CACNA2D1: variants seen among roughly 807,000 people sequenced by gnomAD.
CACNA2D1 encodes the protein voltage-dependent calcium channel subunit alpha-2/delta-1.
CACNA2D1 carries 53 observed loss-of-function variants against 171.5 expected under a neutral mutation model. That is an observed-to-expected ratio of 0.31 (90% CI 0.25 to 0.39). The LOEUF (loss-of-function observed/expected upper bound fraction) is 0.39. Ranked by LOEUF, CACNA2D1 falls within the 10% of genes least tolerant of loss-of-function variation. The pLI, the probability that CACNA2D1 is intolerant of heterozygous loss-of-function variation, is 1.00. For synonymous variants in CACNA2D1, 442 were observed against 443.1 expected (o/e 1.00, Z 0.03); for missense variants, 903 against 1,299.8 (o/e 0.69, Z 4.69).
At chr7:82,150,284 A>AAAAAAAAAAAAAAC (rs1554432527) in intron 4 of CACNA2D1, among the ~76,000 whole-genome samples, 1 of 137,488 alleles carries the variant, frequency 7.3e-6, no homozygotes, top group African/African-American at 2.7e-5. Context: ...AACAACAACA[A>AAAAAAAAAAAAAAC]AAAAAAACAC....
At chr7:82,378,506 T>C (rs1418301423) in intron 1 of CACNA2D1, among the ~76,000 whole-genome samples, 1 of 152,212 alleles carries the variant, frequency 6.6e-6, no homozygotes, top group Non-Finnish European at 1.5e-5. Context: ...CTCAGTTTCT[T>C]AAAAATTATA....
chr7:82,058,921 TCCTATA>T (rs1219652322), intron 10 of CACNA2D1, among the ~76,000 whole-genome samples: 19 of 152,264 alleles, frequency 1.2e-4, no homozygotes, highest in African/African-American at 4.6e-4. Flanking sequence ...TATCGTGTTT[TCCTATA>T]CCTACTCTTA....
intron 23 of CACNA2D1, chr7:81,982,849 G>T: frequency 1.7e-6 from 1 of 601,920 alleles, no homozygotes; most frequent in South Asian, 1.9e-5. Context: ...GATCCCCACA[G>T]TTATTTCAAA....
At chr7:81,974,964 A>G (rs929556485) in intron 24 of CACNA2D1, among the ~76,000 whole-genome samples, 2 of 152,028 alleles carry the variant, frequency 1.3e-5, no homozygotes, top group Non-Finnish European at 2.9e-5. Context: ...GCAAACCAAC[A>G]TGGCACGTGT....
chr7:82,290,801 G>T (rs1208313262), intron 3 of CACNA2D1, among the ~76,000 whole-genome samples: 1 of 151,496 alleles, frequency 6.6e-6, no homozygotes, highest in African/African-American at 2.4e-5. Context: ...TCTCCATGTT[G>T]GTCAGGCTGG....
intron 3 of CACNA2D1, among the ~76,000 whole-genome samples, chr7:82,302,037 G>A (rs1315227424): frequency 3.3e-5 from 5 of 151,990 alleles, no homozygotes; most frequent in Admixed American, 1.3e-4. Flanking sequence ...TGGAATTATA[G>A]GCATGAGCCA....
At chr7:82,443,817 C>T, upstream of CACNA2D1, 1 of 789,812 alleles carries the variant, frequency 1.3e-6, no homozygotes, top group South Asian at 6.6e-5. Flanking sequence ...CCCCCGATTG[C>T]CGAGGCGAAG....
At chr7:81,978,303 G>A (rs962882808) in intron 24 of CACNA2D1, among the ~76,000 whole-genome samples, 8 of 152,020 alleles carry the variant, frequency 5.3e-5, no homozygotes, top group African/African-American at 9.7e-5. Flanking sequence ...ATTGCAGCAC[G>A]GTTCAGAACA....
chr7:82,139,465 T>C (rs1792093771), intron 4 of CACNA2D1, among the ~76,000 whole-genome samples: 1 of 152,186 alleles, frequency 6.6e-6, no homozygotes, highest in Non-Finnish European at 1.5e-5. Flanking sequence ...TTCCCTTTTT[T>C]GTGTACTACA....
At chr7:82,140,642 T>A (rs2129086536) in intron 4 of CACNA2D1, among the ~76,000 whole-genome samples, 1 of 152,144 alleles carries the variant, frequency 6.6e-6, no homozygotes, top group East Asian at 1.9e-4. Flanking sequence ...CAAGTCTCAG[T>A]TCATATTTTC....
Position 82,060,169 on chromosome 7 carries a change from T to C in CACNA2D1, c.879+259A>G, listed in dbSNP as rs1236625961. On this transcript the variant is annotated intron_variant, in intron 10 of 38. Transcript: ENST00000356860. ...ATATATGTATTATATATATATAATA[T>C]ATATATATAATATATATATATTATA... is the stretch of plus-strand genomic sequence containing the variant. Among the ~76,000 whole-genome samples, 6 of 23,972 alleles carry C rather than the reference T, an allele frequency of 2.5e-4. 1 individual carries two copies. Among genetic ancestry groups the C allele is most frequent in the South Asian group, 2.9e-3 (2 of 682 alleles). The allele number at this position is 23,972 out of a possible 152,430, so 15.7% of individuals were successfully genotyped here.
At chr7:82,072,529 C>T (rs1808449159) in intron 7 of CACNA2D1, among the ~76,000 whole-genome samples, 2 of 151,460 alleles carry the variant, frequency 1.3e-5, no homozygotes, top group African/African-American at 4.9e-5. Context: ...AAATAACAAT[C>T]ATTCCCAGAT....
chr7:82,398,699 T>A (rs1027023105), intron 1 of CACNA2D1, among the ~76,000 whole-genome samples: 1 of 151,636 alleles, frequency 6.6e-6, no homozygotes, highest in Admixed American at 6.6e-5. Context: ...CACTTCAGCC[T>A]CCCGAGTAGC....
chr7:82,106,750 G>T (rs1380169427), intron 6 of CACNA2D1, among the ~76,000 whole-genome samples: 2 of 151,972 alleles, frequency 1.3e-5, no homozygotes, highest in African/African-American at 4.8e-5. Flanking sequence ...CTTAAGAAAA[G>T]GCACTGAGAA....
chr7:82,342,087 T>C (rs1818733978), intron 2 of CACNA2D1, among the ~76,000 whole-genome samples: 1 of 151,040 alleles, frequency 6.6e-6, no homozygotes, highest in Non-Finnish European at 1.5e-5. Flanking sequence ...AAAATCACAT[T>C]TGATTCTCTG....
At position 82,256,174 on chromosome 7, in the gene CACNA2D1, G is replaced by A. The variant is rs191498865; in HGVS notation, c.294+78961C>T. Among the ~76,000 whole-genome samples, 114 of 152,192 alleles carry A rather than the reference G, an allele frequency of 7.5e-4. 2 individuals carry two copies. In the South Asian group the frequency reaches 0.013, roughly 18 times the overall value. ...TGCCTATATAATAGCCGGGCATGGC[G>A]GTGGGGCGTGGCGGGAGGCTGAGGT... On this transcript the variant is annotated intron_variant, in intron 3 of 38. Transcript: ENST00000356860.
At chr7:82,041,114 A>G (rs1260737972) in intron 10 of CACNA2D1, among the ~76,000 whole-genome samples, 1 of 152,128 alleles carries the variant, frequency 6.6e-6, no homozygotes, top group Admixed American at 6.5e-5. Context: ...CAAATCTGCA[A>G]AGTGCCTTGG....
intron 1 of CACNA2D1, among the ~76,000 whole-genome samples, chr7:82,421,749 CA>C (rs2129457320): frequency 6.6e-6 from 1 of 152,276 alleles, no homozygotes; most frequent in East Asian, 1.9e-4. Flanking sequence ...CATCAGACCA[CA>C]GATGCGCCTT....
chr7:82,429,125 T>C (rs953511362), intron 1 of CACNA2D1, among the ~76,000 whole-genome samples: 2 of 152,230 alleles, frequency 1.3e-5, no homozygotes, highest in African/African-American at 4.8e-5. Flanking sequence ...TGATGGCATT[T>C]CTGGATACTA....
Sources: gnomAD v4.1 joint callset for allele counts (sites outside exome capture counted in the v4.1 genomes callset) on GRCh38, gnomAD v4.1.1 for gene constraint, MANE v1.5 for transcripts, NCBI Gene and HGNC (gene_info 2026-07-23, HGNC 2026-07-21) for gene names.